Variants in AK8 observed in about 807,000 individuals in gnomAD.
AK8 encodes the protein adenylate kinase 8.
Under a neutral mutation model 54.6 loss-of-function variants are expected in AK8, and 44 were observed. The ratio of observed to expected loss-of-function variants is 0.81; its 90% CI spans 0.63 to 1.04. The LOEUF (loss-of-function observed/expected upper bound fraction) is 1.04. AK8 is among the 50% of genes least tolerant of loss of function. AK8 has a pLI of 0.00. For synonymous variants in AK8, 239 were observed against 245.6 expected (o/e 0.97, Z 0.25); for missense variants, 555 against 613.6 (o/e 0.90, Z 1.01).
chr9:132,814,209 G>T (rs774497589), intron 10 of AK8, among the ~76,000 whole-genome samples: 1 of 140,432 alleles, frequency 7.1e-6, no homozygotes, highest in Non-Finnish European at 1.5e-5. Context: ...AGCCCAGGAG[G>T]TTGAGGCTGT....
At chr9:132,775,464 G>T (rs182112297) in intron 11 of AK8, among the ~76,000 whole-genome samples, 3 of 152,052 alleles carry the variant, frequency 2.0e-5, no homozygotes, top group African/African-American at 7.2e-5. Context: ...CACCATGCCC[G>T]GCTAATTTTT....
intron 3 of AK8, among the ~76,000 whole-genome samples, chr9:132,864,714 C>T (rs1843520322): frequency 6.6e-6 from 1 of 152,198 alleles, no homozygotes; most frequent in South Asian, 2.1e-4. Flanking sequence ...GGCCTGACCT[C>T]GACAGAGAGG....
intron 5 of AK8, among the ~76,000 whole-genome samples, chr9:132,845,371 T>C (rs888322111): frequency 6.6e-6 from 1 of 152,268 alleles, no homozygotes; most frequent in Non-Finnish European, 1.5e-5. Context: ...ATTTTTATGA[T>C]GGTGACTTGG....
At chr9:132,869,538 C>T (rs1436470069) in intron 2 of AK8, among the ~76,000 whole-genome samples, 2 of 152,208 alleles carry the variant, frequency 1.3e-5, no homozygotes, top group Non-Finnish European at 2.9e-5. Context: ...GGGCCCAGCC[C>T]TGACTGTCAT....
rs140406073 is a variant in AK8, at chr9:132,814,818, GAA to G, written c.890-93_890-92del. The G allele has an allele frequency of 3.9e-4, 374 of 955,500 alleles. 1 individual carries two copies. Among genetic ancestry groups the G allele is most frequent in the East Asian group, 1.5e-4 (5 of 32,400 alleles). 59.2% of individuals were successfully genotyped at this position (955,500 alleles called of 1,614,324 possible). ...GAACCCCCAGTGCTGCCTGCTGAGG[GAA>G]AAAAAAAAGGTCACTGAAAAAAGCA... On this transcript the variant is annotated intron_variant, in intron 9 of 12. Coordinates refer to ENST00000298545, the MANE Select transcript of AK8 (RefSeq NM_152572.3).
rs531743413 is a variant in AK8 at position 132,755,915 on chromosome 9, G to A, written c.1122-28381C>T. 4.6e-5 allele frequency among the ~76,000 whole-genome samples: 7 copies of A among 152,262 alleles called. No homozygotes were observed. In the South Asian group the frequency reaches 1.2e-3, roughly 27 times the overall value. On this transcript the variant is annotated intron_variant, in intron 11 of 12. Coordinates refer to ENST00000298545, the MANE Select transcript of AK8 (RefSeq NM_152572.3). ...CCCCAGTAGCTGGGATCACAGGCAT[G>A]CGCCACCATGCCTGGCTAATTTTGT...
chr9:132,862,403 C>G (rs1204161274), intron 4 of AK8, among the ~76,000 whole-genome samples: 1 of 151,982 alleles, frequency 6.6e-6, no homozygotes, highest in East Asian at 1.9e-4. Context: ...TCTTGACTCA[C>G]TGCAACCTCA....
intron 2 of AK8, 120 bp downstream of exon 2, chr9:132,874,995 G>A (rs897626444): frequency 3.3e-5 from 43 of 1,295,730 alleles, no homozygotes; most frequent in Middle Eastern, 2.0e-4. Flanking sequence ...AGCTATTCTC[G>A]GGATGGGGCA....
At chr9:132,734,905 C>T (rs1209065563) in intron 11 of AK8, among the ~76,000 whole-genome samples, 3 of 152,184 alleles carry the variant, frequency 2.0e-5, no homozygotes, top group Admixed American at 1.3e-4. Context: ...GTGGCATGCG[C>T]CTGTAGTCCC....
chr9:132,820,271 G>A (rs150603094), intron 9 of AK8, among the ~76,000 whole-genome samples: 1 of 150,834 alleles, frequency 6.6e-6, no homozygotes, highest in African/African-American at 2.4e-5. Flanking sequence ...AAGCAGTTTG[G>A]TGTATGGATA....
At chr9:132,809,782 C>T (rs181711355) in intron 10 of AK8, among the ~76,000 whole-genome samples, 2 of 152,314 alleles carry the variant, frequency 1.3e-5, no homozygotes, top group East Asian at 3.9e-4. Flanking sequence ...CAGTGGGGTA[C>T]ACCTGCAGGC....
rs1040612513 is a variant in AK8 at position 132,863,917 on chromosome 9, A to G, written c.220-139T>C. 28 of 679,426 alleles carry G rather than the reference A, an allele frequency of 4.1e-5. No individual in the cohort carries two copies. The Admixed American group carries it at 7.8e-4, about 19-fold the overall frequency. 42.1% of individuals were successfully genotyped at this position (679,426 alleles called of 1,614,324 possible). A position where few individuals can be genotyped will look rare whatever the true frequency, so the allele number is the denominator to read the frequency against. On this transcript the variant is annotated intron_variant, in intron 3 of 12. Coordinates refer to ENST00000298545, the MANE Select transcript of AK8 (RefSeq NM_152572.3). Reference sequence around the variant, plus strand: ...AAGCACAATTATTTCCAGCTGGAGGACGGCCACCAAGGGAGACCCACCCAT... The same window carrying G: ...AAGCACAATTATTTCCAGCTGGAGGGCGGCCACCAAGGGAGACCCACCCAT...
At chr9:132,775,767 G>T (rs7869552) in intron 11 of AK8, among the ~76,000 whole-genome samples, 3,131 of 152,208 alleles carry the variant, frequency 0.021, 96 homozygotes, top group African/African-American at 0.068. Context: ...CCTACCCCAG[G>T]TACCATGCAA....
At chr9:132,870,733 G>A (rs1308850947) in intron 2 of AK8, among the ~76,000 whole-genome samples, 3 of 152,200 alleles carry the variant, frequency 2.0e-5, no homozygotes, top group African/African-American at 7.2e-5. Flanking sequence ...ACTGTGTGTG[G>A]CAGTTAACCC....
intron 11 of AK8, among the ~76,000 whole-genome samples, chr9:132,766,239 G>C (rs868105839): frequency 6.6e-6 from 1 of 152,108 alleles, no homozygotes; most frequent in African/African-American, 2.4e-5. Flanking sequence ...AGCCTCCTGA[G>C]TAGCTGGAAC....
intron 4 of AK8, among the ~76,000 whole-genome samples, chr9:132,856,136 A>G (rs1275766611): frequency 6.6e-6 from 1 of 152,198 alleles, no homozygotes; most frequent in Admixed American, 6.5e-5. Flanking sequence ...GTAGTGCACA[A>G]CAGGGGCTAA....
At chr9:132,740,805 G>A (rs559989132) in intron 11 of AK8, among the ~76,000 whole-genome samples, 6 of 152,260 alleles carry the variant, frequency 3.9e-5, no homozygotes, top group South Asian at 2.1e-4. Context: ...GTTGATGAAC[G>A]GTCATCTTCA....
chr9:132,807,353 G>T (rs1840774024), intron 10 of AK8, among the ~76,000 whole-genome samples: 1 of 152,232 alleles, frequency 6.6e-6, no homozygotes, highest in Admixed American at 6.5e-5. Flanking sequence ...TGGCTGGCGG[G>T]CTCCTGACCA....
chr9:132,746,522 TA>T (rs1336308423), intron 11 of AK8, among the ~76,000 whole-genome samples: 3 of 152,238 alleles, frequency 2.0e-5, no homozygotes, highest in Non-Finnish European at 4.4e-5. Flanking sequence ...TCGAGGCTGA[TA>T]TGTGATAATC....
Sources: allele counts gnomAD v4.1 joint callset (sites outside exome capture counted in the v4.1 genomes callset), GRCh38; gene constraint gnomAD v4.1.1; transcripts MANE v1.5; gene names NCBI Gene and HGNC (gene_info 2026-07-23, HGNC 2026-07-21).